PRKN: variants seen among roughly 807,000 people sequenced by gnomAD.
PRKN encodes the protein parkin RBR E3 ubiquitin protein ligase.
A neutral mutation model predicts 59.5 loss-of-function variants in PRKN; 56 were observed. The observed-to-expected ratio is 0.94, with a 90% CI of 0.76 to 1.18. The LOEUF is 1.18. Ranked by LOEUF, PRKN falls within the 50% of genes most tolerant of loss-of-function variation. The pLI is 0.00. For synonymous variants in PRKN, 250 were observed against 222.1 expected, an observed-to-expected ratio of 1.13 and a Z score of -1.12; for missense variants, 657 against 596.4, an observed-to-expected ratio of 1.10 and a Z score of -1.06.
intron 4 of PRKN, among the ~76,000 whole-genome samples, chr6:162,136,301 T>G (rs1334262836): frequency 6.6e-5 from 10 of 152,096 alleles, no homozygotes; most frequent in Non-Finnish European, 1.0e-4. Flanking sequence ...TAAGGAGAAC[T>G]CAACGATTTG....
intron 6 of PRKN, among the ~76,000 whole-genome samples, chr6:161,853,459 T>C (rs1793516921): frequency 6.6e-6 from 1 of 152,230 alleles, no homozygotes; most frequent in Non-Finnish European, 1.5e-5. Context: ...TATTTGGATA[T>C]AATTGCTTTT....
intron 3 of PRKN, among the ~76,000 whole-genome samples, chr6:162,232,277 T>C (rs1003496232): frequency 3.9e-5 from 6 of 152,144 alleles, no homozygotes; most frequent in African/African-American, 1.2e-4. Flanking sequence ...GAAGGCTATG[T>C]GCTCAGGGCC....
intron 6 of PRKN, among the ~76,000 whole-genome samples, chr6:161,841,613 G>T (rs1038247726): frequency 4.6e-5 from 7 of 152,072 alleles, no homozygotes; most frequent in African/African-American, 1.4e-4. Context: ...GCCTCCCAAA[G>T]TGCTGGGATT....
chr6:161,611,584 T>G (rs1431047796), intron 7 of PRKN, among the ~76,000 whole-genome samples: 1 of 152,140 alleles, frequency 6.6e-6, no homozygotes, highest in Admixed American at 6.5e-5. Flanking sequence ...CATAAGAGGG[T>G]GGACTGAACT....
chr6:161,909,360 T>C (rs1461799773), intron 6 of PRKN, among the ~76,000 whole-genome samples: 1 of 152,202 alleles, frequency 6.6e-6, no homozygotes, highest in Non-Finnish European at 1.5e-5. Context: ...CTATTTGTTC[T>C]GAAAATGCAG....
chr6:161,729,440 T>C (rs548527226), intron 7 of PRKN, among the ~76,000 whole-genome samples: 1 of 152,316 alleles, frequency 6.6e-6, no homozygotes, highest in Admixed American at 6.5e-5. Context: ...TAAGTGAAGA[T>C]ATTATTACAT....
chr6:161,723,484 T>C (rs1204982816), intron 7 of PRKN, among the ~76,000 whole-genome samples: 2 of 152,034 alleles, frequency 1.3e-5, no homozygotes, highest in Non-Finnish European at 2.9e-5. Flanking sequence ...TCTGCTGGGG[T>C]CCCCATCTTG....
intron 6 of PRKN, among the ~76,000 whole-genome samples, chr6:161,911,749 G>A (rs571239879): frequency 2.8e-4 from 43 of 152,224 alleles, no homozygotes; most frequent in Middle Eastern, 3.4e-3. Context: ...GGGTCATTCC[G>A]TAATACAGTA....
chr6:162,216,548 A>C (rs1429369794), intron 3 of PRKN, among the ~76,000 whole-genome samples: 3 of 150,114 alleles, frequency 2.0e-5, no homozygotes, highest in African/African-American at 7.3e-5. Flanking sequence ...AAAAAAAAAA[A>C]AAAAAAAAAA....
At chr6:161,669,731 C>T (rs1337799157) in intron 7 of PRKN, among the ~76,000 whole-genome samples, 1 of 152,256 alleles carries the variant, frequency 6.6e-6, no homozygotes, top group Non-Finnish European at 1.5e-5. Flanking sequence ...GTGTTGGTAA[C>T]AACAGCTGAC....
At chr6:161,771,209 A>C (rs2128202465) in intron 7 of PRKN, among the ~76,000 whole-genome samples, 1 of 152,118 alleles carries the variant, frequency 6.6e-6, no homozygotes, top group South Asian at 2.1e-4. Context: ...ATAAAAAATT[A>C]GCCTGGCATC....
chr6:161,952,364 T>C (rs897437301), intron 6 of PRKN, among the ~76,000 whole-genome samples: 5 of 152,176 alleles, frequency 3.3e-5, no homozygotes, highest in African/African-American at 1.2e-4. Flanking sequence ...ATGCCTGTAA[T>C]CCCAGCACTT....
chr6:162,133,640 TTAAAAGGTATAA>T (rs1362500930), intron 4 of PRKN, among the ~76,000 whole-genome samples: 1 of 152,070 alleles, frequency 6.6e-6, no homozygotes. Context: ...TGACAATAAT[TTAAAAGGTATAA>T]TAATAGAGAA....
chr6:161,422,518 T>C (rs1788149813), intron 9 of PRKN, among the ~76,000 whole-genome samples: 1 of 152,092 alleles, frequency 6.6e-6, no homozygotes, highest in South Asian at 2.1e-4. Flanking sequence ...AAATAAAATC[T>C]TGAGAAAATT....
chr6:161,836,109 A>C (rs1161215490), intron 6 of PRKN, among the ~76,000 whole-genome samples: 1 of 152,192 alleles, frequency 6.6e-6, no homozygotes, highest in Non-Finnish European at 1.5e-5. Context: ...TCTGGTTTGT[A>C]GCAGCTAACT....
At chr6:161,819,579 A>G (rs1165213755) in intron 6 of PRKN, among the ~76,000 whole-genome samples, 1 of 152,220 alleles carries the variant, frequency 6.6e-6, no homozygotes, top group Non-Finnish European at 1.5e-5. Flanking sequence ...TTGTATCTCT[A>G]TAGGTATTAC....
At chr6:161,986,594 T>G (rs1349075215) in intron 5 of PRKN, among the ~76,000 whole-genome samples, 3 of 151,678 alleles carry the variant, frequency 2.0e-5, no homozygotes, top group African/African-American at 7.3e-5. Context: ...CTAGGAGGGC[T>G]CAACAGCTGG....
intron 1 of PRKN, among the ~76,000 whole-genome samples, chr6:162,464,538 G>A (rs1226825640): frequency 2.0e-5 from 3 of 151,748 alleles, no homozygotes; most frequent in East Asian, 1.9e-4. Flanking sequence ...ACAAATGGCC[G>A]GGCGCAGTGG....
At chr6:161,365,039 T>C (rs1785145971) in intron 10 of PRKN, among the ~76,000 whole-genome samples, 1 of 152,164 alleles carries the variant, frequency 6.6e-6, no homozygotes, top group Non-Finnish European at 1.5e-5. Context: ...AGAGGGTCCT[T>C]AGATTTTTTT....
Sources: gnomAD v4.1 joint callset for allele counts (sites outside exome capture counted in the v4.1 genomes callset) on GRCh38, gnomAD v4.1.1 for gene constraint, MANE v1.5 for transcripts, NCBI Gene and HGNC (gene_info 2026-07-23, HGNC 2026-07-21) for gene names.